Variants in SYNC observed in about 807,000 individuals in gnomAD.
The protein encoded by SYNC is syncoilin.
SYNC carries 38 observed loss-of-function variants against 49.5 expected under a neutral mutation model. That is an observed-to-expected ratio of 0.77 (90% CI 0.59 to 1.01). The LOEUF (loss-of-function observed/expected upper bound fraction) is 1.01, where lower values mean the gene tolerates loss of function less well. Among genes scored for constraint, SYNC ranks in the 50% least tolerant of loss-of-function variants. The pLI, the probability that SYNC is intolerant of heterozygous loss-of-function variation, is 0.00. For synonymous variants in SYNC, 201 were observed against 230.8 expected, an observed-to-expected ratio of 0.87 and a Z score of 1.17; for missense variants, 579 against 580.6, an observed-to-expected ratio of 1.00 and a Z score of 0.03.
At chr1:32,703,307 G>A (rs1413062125), upstream of SYNC, among the ~76,000 whole-genome samples, 1 of 152,184 alleles carries the variant, frequency 6.6e-6, no homozygotes, top group East Asian at 1.9e-4. Context: ...GGGTGGCTGG[G>A]GTTAGAGAGA....
Position 32,702,759 on chromosome 1 carries a change from A to T in SYNC, c.-99T>A. 9 of 992,594 alleles carry T rather than the reference A, an allele frequency of 9.1e-6. No individual in the cohort carries two copies. The highest frequency in any genetic ancestry group is 1.1e-5 in the Non-Finnish European group (9 of 817,962). 61.5% of individuals were successfully genotyped at this position (992,594 alleles called of 1,614,324 possible). On this transcript the variant is annotated 5_prime_UTR_variant, in exon 1 of 5. Transcript: ENST00000409190. The surrounding 1 kb of genome is among the most constrained non-coding windows in gnomAD (Gnocchi z 6.2). ...CCCGCCGCACTGCCAGCTGCAACCG[A>T]CACCGGATCCCGGCCGGCCCCGGGC...
At chr1:32,685,971 G>C (rs1649798639) in intron 2 of SYNC, 1 of 152,090 alleles carries the variant, frequency 6.6e-6, no homozygotes, top group African/African-American at 2.4e-5. Context: ...CCTCCAACTT[G>C]AACCTCTGTT....
chr1:32,694,128 T>A (rs1223361273), intron 2 of SYNC, among the ~76,000 whole-genome samples: 2 of 151,992 alleles, frequency 1.3e-5, no homozygotes, highest in African/African-American at 4.8e-5. Flanking sequence ...GCTTGGGGGC[T>A]AAGGCAGGAG....
chr1:32,701,405 C>T (rs1237814764), intron 1 of SYNC, among the ~76,000 whole-genome samples: 5 of 152,182 alleles, frequency 3.3e-5, no homozygotes, highest in African/African-American at 1.2e-4. Context: ...TAGTGAGTTT[C>T]CTAAGGACAA....
At chr1:32,687,606 AG>A (rs1649918636) in intron 2 of SYNC, among the ~76,000 whole-genome samples, 1 of 150,982 alleles carries the variant, frequency 6.6e-6, no homozygotes, top group African/African-American at 2.4e-5. Flanking sequence ...CGGGAGGCAA[AG>A]GTTACAGTGA....
chr1:32,702,764 G>A lies in SYNC; in HGVS notation c.-104C>T, dbSNP rs1650721285. ...CGCACTGCCAGCTGCAACCGACACCGGATCCCGGCCGGCCCCGGGCCGGGC... is the reference window on the plus strand; with the variant it reads ...CGCACTGCCAGCTGCAACCGACACCAGATCCCGGCCGGCCCCGGGCCGGGC... On this transcript the variant is annotated 5_prime_UTR_variant, in exon 1 of 5. Transcript: ENST00000409190. This position sits in a 1 kb window ranked among gnomAD's most constrained non-coding sequence, Gnocchi z 6.2. 2.0e-6 allele frequency: 2 copies of A among 982,248 alleles called. No homozygotes were observed. The highest frequency in any genetic ancestry group is 5.4e-5 in the Admixed American group (1 of 18,412). 60.8% of individuals were successfully genotyped at this position (982,248 alleles called of 1,614,324 possible). A position where few individuals can be genotyped will look rare whatever the true frequency, so the allele number is the denominator to read the frequency against.
Position 32,695,022 on chromosome 1 carries a change from T to G in SYNC, c.1076A>C (p.Lys359Thr). ...CTCAGCCTGGGTTCTCTGCAGAGCTTTGGTCCCAGCTTCTTTCCTCTCTAG... is the reference window on the plus strand; with the variant it reads ...CTCAGCCTGGGTTCTCTGCAGAGCTGTGGTCCCAGCTTCTTTCCTCTCTAG... ...RLLERKEAGT[K>T]ALQRTQAEIQ... The change falls in exon 2 of 5, where the codon AAA becomes ACA. Residue 359 changes from lysine (K) to threonine (T), a missense_variant. Physicochemically the swap from Lys to Thr is moderately conservative, Grantham distance 78. Coordinates refer to ENST00000409190, the MANE Select transcript of SYNC (RefSeq NM_030786.3). The G allele has an allele frequency of 6.2e-7, 1 of 1,613,940 alleles. No individual in the cohort carries two copies. Among genetic ancestry groups the G allele is most frequent in the South Asian group, 1.1e-5 (1 of 91,076 alleles).
At chr1:32,686,816 C>T (rs1352504898) in intron 2 of SYNC, among the ~76,000 whole-genome samples, 1 of 152,164 alleles carries the variant, frequency 6.6e-6, no homozygotes, top group African/African-American at 2.4e-5. Flanking sequence ...AAGTTTCCAA[C>T]TTAGTGATAG....
chr1:32,693,611 G>C (rs1261962141), intron 2 of SYNC, among the ~76,000 whole-genome samples: 1 of 152,198 alleles, frequency 6.6e-6, no homozygotes, highest in Non-Finnish European at 1.5e-5. Context: ...CATGTGCTCT[G>C]AGCCTTGAGT....
At position 32,702,482 on chromosome 1, in the gene SYNC, G is replaced by T; in HGVS notation, c.53+126C>A. 1 of 943,492 alleles carries T rather than the reference G, an allele frequency of 1.1e-6. No homozygotes were observed. Among genetic ancestry groups the T allele is most frequent in the Non-Finnish European group, 1.3e-6 (1 of 745,112 alleles). 58.4% of individuals were successfully genotyped at this position (943,492 alleles called of 1,614,324 possible). ...TGTCCCCTCACGAGGCGGCTCCAGTGCCCCACCCCGGCTGGACCACTACCC... is the reference window on the plus strand; with the variant it reads ...TGTCCCCTCACGAGGCGGCTCCAGTTCCCCACCCCGGCTGGACCACTACCC... On this transcript the variant is annotated intron_variant, in intron 1 of 4. Transcript: ENST00000409190. The surrounding 1 kb of genome is among the most constrained non-coding windows in gnomAD (Gnocchi z 6.2).
At position 32,688,999 on chromosome 1, in the gene SYNC, C is replaced by T. The variant is rs564603841; in HGVS notation, c.1234-4617G>A. On this transcript the variant is annotated intron_variant, in intron 2 of 4. Transcript: ENST00000409190. ...CTGTTGCCAGGCTGGAGTGCAGTGG[C>T]GCAGTCTCGGCTCACTGCAACCTCT... Among the ~76,000 whole-genome samples the T allele has an allele frequency of 2.6e-5, 4 of 151,806 alleles. No homozygotes were observed. The South Asian group carries it at 6.3e-4, about 24-fold the overall frequency.
intron 2 of SYNC, among the ~76,000 whole-genome samples, chr1:32,690,134 C>T (rs1650090684): frequency 6.6e-6 from 1 of 152,042 alleles, no homozygotes; most frequent in Non-Finnish European, 1.5e-5. Context: ...ATCTCAGCAA[C>T]TCGGGAGGCT....
chr1:32,680,810 A>C lies in SYNC; in HGVS notation c.*1040T>G, dbSNP rs1431751610. On this transcript the variant is annotated 3_prime_UTR_variant, in exon 5 of 5. Coordinates refer to ENST00000409190, the MANE Select transcript of SYNC (RefSeq NM_030786.3). ...TCCCAGAGCTGTAGAAAAGAACTTT[A>C]CTCCTTCCCAGGGAAAGTGAAAGAC... The C allele has an allele frequency of 7.3e-6, 3 of 409,160 alleles. No homozygotes were observed. Among genetic ancestry groups the C allele is most frequent in the African/African-American group, 6.2e-5 (3 of 48,442 alleles). 25.3% of individuals were successfully genotyped at this position (409,160 alleles called of 1,614,324 possible). A position where few individuals can be genotyped will look rare whatever the true frequency, so the allele number is the denominator to read the frequency against.
intron 1 of SYNC, among the ~76,000 whole-genome samples, chr1:32,697,391 T>C (rs1214693060): frequency 6.6e-6 from 1 of 150,772 alleles, no homozygotes; most frequent in Non-Finnish European, 1.5e-5. Context: ...TGAGACGAGA[T>C]TGCACCATTG....
chr1:32,695,487 C>T lies in SYNC; in HGVS notation c.611G>A (p.Arg204Gln), dbSNP rs1054222836. 1.0e-5 allele frequency: 16 copies of T among 1,551,236 alleles called. No homozygotes were observed. Among genetic ancestry groups the T allele is most frequent in the Middle Eastern group, 3.3e-4 (2 of 6,014 alleles). ...DQLIHELVLL[R>Q]EPALQEVQQV... ...CTGTACCTCCTGCAGGGCTGGTTCC[C>T]GGAGCAATACAAGCTCATGGATGAG... The change falls in exon 2 of 5, where the codon CGG becomes CAG. Residue 204 changes from arginine to glutamine, a missense_variant. Arg to Gln is a conservative substitution (Grantham distance 43). Transcript: ENST00000409190.
intron 2 of SYNC, among the ~76,000 whole-genome samples, chr1:32,691,885 T>A (rs1029031780): frequency 6.6e-6 from 1 of 152,106 alleles, no homozygotes; most frequent in Non-Finnish European, 1.5e-5. Context: ...CATACCTAGC[T>A]CAAATTCCAC....
rs200158045 is a variant in SYNC, at chr1:32,689,323, C to A, written c.1234-4941G>T. Among the ~76,000 whole-genome samples the A allele has an allele frequency of 5.0e-5, 7 of 140,966 alleles. No individual in the cohort carries two copies. The East Asian group carries it at 1.5e-3, about 31-fold the overall frequency. The allele number at this position is 140,966 out of a possible 152,430, so 92.5% of individuals were successfully genotyped here. On this transcript the variant is annotated intron_variant, in intron 2 of 4. Transcript: ENST00000409190. ...GTGGCACAATCTCAGCTCACTGCAA[C>A]CTCTGCTGCCCAGGTTCAAGCTATT... is the stretch of plus-strand genomic sequence containing the variant.
At chr1:32,690,077 A>AT (rs1159447131) in intron 2 of SYNC, among the ~76,000 whole-genome samples, 1 of 152,174 alleles carries the variant, frequency 6.6e-6, no homozygotes, top group African/African-American at 2.4e-5. Flanking sequence ...AGAAGCTATT[A>AT]TACTACCAAG....
In SYNC at chr1:32,702,649, C is replaced by G; in HGVS notation, c.12G>C (p.Pro4=). 8.3e-7 allele frequency: 1 copy of G among 1,208,044 alleles called. No homozygotes were observed. The highest frequency in any genetic ancestry group is 1.0e-6 in the Non-Finnish European group (1 of 973,256). The allele number at this position is 1,208,044 out of a possible 1,614,324, so 74.8% of individuals were successfully genotyped here. A position where few individuals can be genotyped will look rare whatever the true frequency, so the allele number is the denominator to read the frequency against. MAS[P]EPRRGGDGAA... ...CGCCGTCCCCGCCGCGCCGGGGCTC[C>G]GGGCTGGCCATGGCTGCGCGACCCC... The change falls in exon 1 of 5, where the codon CCG becomes CCC. Residue 4 remains proline, a synonymous_variant. Transcript: ENST00000409190. The surrounding 1 kb of genome is among the most constrained non-coding windows in gnomAD (Gnocchi z 6.2).
Sources: allele counts gnomAD v4.1 joint callset (sites outside exome capture counted in the v4.1 genomes callset), GRCh38; gene constraint gnomAD v4.1.1; non-coding constraint Gnocchi (gnomAD v3.1); transcripts MANE v1.5; gene names NCBI Gene and HGNC (gene_info 2026-07-23, HGNC 2026-07-21).